Variants in ABCG1 observed in about 807,000 individuals in gnomAD.
The protein encoded by ABCG1 is ATP binding cassette subfamily G member 1, also known as ATP-binding cassette sub-family G member 1.
ABCG1 carries 29 observed loss-of-function variants against 69.2 expected under a neutral mutation model. That is an observed-to-expected ratio of 0.42 (90% CI 0.31 to 0.57). The LOEUF is 0.57. Among genes scored for constraint, ABCG1 ranks in the 20% least tolerant of loss-of-function variants. The probability of loss-of-function intolerance (pLI) is 0.15; values close to 1 mark genes in which losing one functional copy is unlikely to be tolerated. For synonymous variants in ABCG1, 370 were observed against 374.8 expected, an observed-to-expected ratio of 0.99 and a Z score of 0.15; for missense variants, 718 against 898.1, an observed-to-expected ratio of 0.80 and a Z score of 2.56.
intron 2 of ABCG1, among the ~76,000 whole-genome samples, chr21:42,239,912 G>A (rs950959371): frequency 6.6e-6 from 1 of 152,202 alleles, no homozygotes; most frequent in African/African-American, 2.4e-5. Context: ...CCTAAGCTCC[G>A]GAAGGTTCCC....
Position 42,219,880 on chromosome 21 carries a change from G to T in ABCG1, c.42+576G>T. Reference sequence around the variant, plus strand: ...CGGACCCACTCGGGGAGGCGGCGGCGAAGGCCCGGGGAGACCCGCGAGGGG... The same window carrying T: ...CGGACCCACTCGGGGAGGCGGCGGCTAAGGCCCGGGGAGACCCGCGAGGGG... On this transcript the variant is annotated intron_variant, in intron 1 of 14. Coordinates refer to ENST00000398449, the MANE Select transcript of ABCG1 (RefSeq NM_016818.3). This position sits in a 1 kb window ranked among gnomAD's most constrained non-coding sequence, Gnocchi z 5.3. The T allele has an allele frequency of 6.5e-7, 1 of 1,541,108 alleles. No individual in the cohort carries two copies. The highest frequency in any genetic ancestry group is 1.4e-5 in the African/African-American group (1 of 72,892).
At chr21:42,284,795 T>G in intron 7 of ABCG1, 112 bp downstream of exon 7, 1 of 1,427,408 alleles carries the variant, frequency 7.0e-7, no homozygotes, top group Non-Finnish European at 9.5e-7. Flanking sequence ...GGCGTCTTCA[T>G]GACACCAAAC....
chr21:42,273,857 A>G lies in ABCG1; in HGVS notation c.537+422A>G, dbSNP rs2068662498. 6.6e-6 allele frequency among the ~76,000 whole-genome samples: 1 copy of G among 152,078 alleles called. No homozygotes were observed. Among genetic ancestry groups the G allele is most frequent in the Non-Finnish European group, 1.5e-5 (1 of 68,016 alleles). On this transcript the variant is annotated intron_variant, in intron 4 of 14. Transcript: ENST00000398449. This position sits in a 1 kb window ranked among gnomAD's most constrained non-coding sequence, Gnocchi z 5.3. ...CGCCTGGTGCCTTGGTCAGGATACC[A>G]AGGGTCTATTCCTCTGACTCACCTG... is the stretch of plus-strand genomic sequence containing the variant.
intron 3 of ABCG1, among the ~76,000 whole-genome samples, chr21:42,271,626 A>C (rs1453475787): frequency 6.6e-6 from 1 of 152,244 alleles, no homozygotes; most frequent in Admixed American, 6.5e-5. Context: ...TCGCACCTGC[A>C]ATCGCAGCAC....
upstream of ABCG1, among the ~76,000 whole-genome samples, chr21:42,218,434 T>TATGGCTGGGTTCTGAACAC (rs1555947304): frequency 6.6e-6 from 1 of 151,968 alleles, no homozygotes; most frequent in African/African-American, 2.4e-5. Context: ...TCCATGAACA[T>TATGGCTGGGTTCTGAACAC]GGCTCTGGAA....
intron 2 of ABCG1, among the ~76,000 whole-genome samples, chr21:42,268,386 TGTGCGC>T (rs2068554127): frequency 7.0e-6 from 1 of 142,748 alleles, no homozygotes; most frequent in Admixed American, 6.9e-5. Flanking sequence ...TGTGTGTGTG[TGTGCGC>T]GCGCGCGCTG....
chr21:42,245,130 G>A (rs117823747), intron 2 of ABCG1, among the ~76,000 whole-genome samples: 3,182 of 152,304 alleles, frequency 0.021, 100 homozygotes, highest in Admixed American at 0.089. Context: ...GGGCTGCCTG[G>A]AGGGGCTCCT....
Position 42,221,949 on chromosome 21 carries a change from A to G in ABCG1, c.42+2645A>G, listed in dbSNP as rs142609633. ...TGCCCAGGATTCAAACTGCAATCAC[A>G]GGCCACTCTGCTCAGCGCCCAGGAA... On this transcript the variant is annotated intron_variant, in intron 1 of 14. Transcript: ENST00000398449. 2.7e-3 allele frequency among the ~76,000 whole-genome samples: 411 copies of G among 152,328 alleles called. 4 individuals carry two copies. Among genetic ancestry groups the G allele is most frequent in the African/African-American group, 9.6e-3 (400 of 41,568 alleles).
chr21:42,275,600 A>T (rs957266746), intron 4 of ABCG1, among the ~76,000 whole-genome samples: 6 of 151,904 alleles, frequency 3.9e-5, no homozygotes, highest in African/African-American at 1.5e-4. Flanking sequence ...CATGCTCGAG[A>T]CCCTTCACTG....
chr21:42,227,490 A>G (rs1040358537), intron 2 of ABCG1, among the ~76,000 whole-genome samples: 3 of 152,246 alleles, frequency 2.0e-5, no homozygotes, highest in Non-Finnish European at 4.4e-5. Flanking sequence ...AAATGTTGTC[A>G]TGACAGTAGA....
At chr21:42,212,130 G>C (rs1265970221), upstream of ABCG1, among the ~76,000 whole-genome samples, 1 of 152,170 alleles carries the variant, frequency 6.6e-6, no homozygotes, top group Non-Finnish European at 1.5e-5. Flanking sequence ...GCCTCTAGAA[G>C]TGTGAACAAT....
rs2068989389 is a variant in ABCG1 at position 42,288,385 on chromosome 21, T to C, written c.1224+73T>C. 3 of 1,141,332 alleles carry C rather than the reference T, an allele frequency of 2.6e-6. No individual in the cohort carries two copies. The highest frequency in any genetic ancestry group is 1.9e-5 in the Admixed American group (1 of 52,278). The allele number at this position is 1,141,332 out of a possible 1,614,324, so 70.7% of individuals were successfully genotyped here. ...TTTTCTCAGACTCGTCCTGACGGAA[T>C]GTGTTCGTTCATTCTCACATTGCTA... is the stretch of plus-strand genomic sequence containing the variant. On this transcript the variant is annotated intron_variant, in intron 10 of 14. Transcript: ENST00000398449. The surrounding 1 kb of genome is among the most constrained non-coding windows in gnomAD (Gnocchi z 4.8).
rs758903673 is a variant in ABCG1, at chr21:42,201,390, A to AGG, written c.-99-185_-99-184dup. Among the ~76,000 whole-genome samples the AGG allele has an allele frequency of 2.9e-4, 44 of 152,180 alleles. 1 individual carries two copies. Among genetic ancestry groups the AGG allele is most frequent in the Non-Finnish European group, 8.8e-5 (6 of 67,994 alleles). ...CTAATGCCGCCACTGATCTGACAGG[A>AGG]GGGAGAGCTCAAGCCATAAAGCTCC... On this transcript the variant is annotated intron_variant, in intron 1 of 15. Coordinates refer to the ABCG1 transcript ENST00000398457.
intron 2 of ABCG1, among the ~76,000 whole-genome samples, chr21:42,254,990 T>C (rs548008395): frequency 6.6e-6 from 1 of 152,232 alleles, no homozygotes; most frequent in Non-Finnish European, 1.5e-5. Flanking sequence ...TGGAGATCAT[T>C]TGGCAACCTT....
At chr21:42,282,509 TAGCCTCAG>T (rs2068831153) in intron 6 of ABCG1, 90 bp downstream of exon 6, 1 of 1,462,436 alleles carries the variant, frequency 6.8e-7, no homozygotes, top group Non-Finnish European at 9.2e-7. Context: ...CATCCTGATG[TAGCCTCAG>T]AGGGGGTGAG....
At chr21:42,271,473 G>A (rs1372793209) in intron 3 of ABCG1, among the ~76,000 whole-genome samples, 2 of 152,242 alleles carry the variant, frequency 1.3e-5, no homozygotes, top group African/African-American at 2.4e-5. Flanking sequence ...AGTTCAGGGA[G>A]AGGGGTGGCC....
chr21:42,290,497 G>A (rs2069036360), intron 11 of ABCG1, among the ~76,000 whole-genome samples: 1 of 152,158 alleles, frequency 6.6e-6, no homozygotes, highest in African/African-American at 2.4e-5. Flanking sequence ...TCACTAATTA[G>A]GAGCCCCCCA....
intron 6 of ABCG1, among the ~76,000 whole-genome samples, chr21:42,283,652 C>A (rs1004026809): frequency 7.9e-4 from 111 of 140,974 alleles, no homozygotes; most frequent in African/African-American, 2.0e-3. Context: ...GTTGTGAAGT[C>A]CCCCCCCACC....
chr21:42,263,539 T>G (rs1417133826), intron 2 of ABCG1, among the ~76,000 whole-genome samples: 1 of 152,160 alleles, frequency 6.6e-6, no homozygotes, highest in African/African-American at 2.4e-5. Flanking sequence ...TCTGCGCACT[T>G]CTCTGTGTTT....
Sources: allele counts gnomAD v4.1 joint callset (sites outside exome capture counted in the v4.1 genomes callset), GRCh38; gene constraint gnomAD v4.1.1; non-coding constraint Gnocchi (gnomAD v3.1); transcripts MANE v1.5; gene names NCBI Gene and HGNC (gene_info 2026-07-23, HGNC 2026-07-21).